NRXN3: variants seen among roughly 807,000 people sequenced by gnomAD.
The protein encoded by NRXN3 is neurexin III.
NRXN3 carries 32 observed loss-of-function variants against 137.6 expected under a neutral mutation model. The ratio of observed to expected loss-of-function variants is 0.23; its 90% CI spans 0.18 to 0.31. NRXN3 has a LOEUF of 0.31. Ranked by LOEUF, NRXN3 falls within the 10% of genes least tolerant of loss-of-function variation. The pLI, the probability that NRXN3 is intolerant of heterozygous loss-of-function variation, is 1.00. For synonymous variants in NRXN3, 798 were observed against 784.5 expected, an observed-to-expected ratio of 1.02 and a Z score of -0.29; for missense variants, 1,574 against 2,062.5, an observed-to-expected ratio of 0.76 and a Z score of 4.59.
intron 16 of NRXN3, among the ~76,000 whole-genome samples, chr14:79,504,715 GT>G (rs1275758015): frequency 6.9e-6 from 1 of 144,622 alleles, no homozygotes; most frequent in African/African-American, 2.6e-5. Flanking sequence ...TGAAATAAAA[GT>G]GTTTCAAATA....
chr14:78,575,381 C>T (rs982427464), intron 4 of NRXN3, among the ~76,000 whole-genome samples: 1 of 152,012 alleles, frequency 6.6e-6, no homozygotes, highest in East Asian at 1.9e-4. Flanking sequence ...AAAATGAGTA[C>T]CTGAATGATG....
At position 79,719,299 on chromosome 14, in the gene NRXN3, A is replaced by ATG. The variant is rs1555660249; in HGVS notation, c.4014+21363_4014+21364insGT. Among the ~76,000 whole-genome samples, 169 of 149,778 alleles carry ATG rather than the reference A, an allele frequency of 1.1e-3. 1 individual carries two copies. The highest frequency in any genetic ancestry group is 6.6e-3 in the South Asian group (31 of 4,724). Reference sequence around the variant, plus strand: ...TGTACATATATATGTATGTATGTGTATATGTATGTGTATGTATACACGCGT... The same window carrying ATG: ...TGTACATATATATGTATGTATGTGTATGTATGTATGTGTATGTATACACGCGT... On this transcript the variant is annotated intron_variant, in intron 19 of 20. Coordinates refer to ENST00000335750, the MANE Select transcript of NRXN3 (RefSeq NM_001330195.2).
At chr14:78,940,855 GC>G (rs1444681251) in intron 10 of NRXN3, among the ~76,000 whole-genome samples, 3 of 151,764 alleles carry the variant, frequency 2.0e-5, no homozygotes, top group African/African-American at 7.3e-5. Flanking sequence ...TGTGTATCAA[GC>G]TGTGAATTAG....
chr14:78,604,924 C>G (rs1373244331), intron 4 of NRXN3, among the ~76,000 whole-genome samples: 1 of 152,130 alleles, frequency 6.6e-6, no homozygotes, highest in Non-Finnish European at 1.5e-5. Flanking sequence ...AGACCAGAGA[C>G]TAAATACGGA....
chr14:79,376,625 T>C (rs1336934676), intron 15 of NRXN3, among the ~76,000 whole-genome samples: 3 of 152,148 alleles, frequency 2.0e-5, no homozygotes, highest in Non-Finnish European at 4.4e-5. Flanking sequence ...TGTATAAAGA[T>C]GAGATCCTTT....
chr14:78,342,647 G>T (rs1307095733), intron 4 of NRXN3, among the ~76,000 whole-genome samples: 2 of 152,136 alleles, frequency 1.3e-5, no homozygotes, highest in African/African-American at 4.8e-5. Context: ...CAGTCACATA[G>T]CTAATACATT....
At chr14:79,840,529 A>T (rs1477345525) in intron 20 of NRXN3, among the ~76,000 whole-genome samples, 1 of 152,184 alleles carries the variant, frequency 6.6e-6, no homozygotes, top group South Asian at 2.1e-4. Flanking sequence ...GTAAGTTCCC[A>T]TACTCAGTGA....
chr14:79,124,208 G>C (rs1257509665), intron 15 of NRXN3, among the ~76,000 whole-genome samples: 1 of 152,132 alleles, frequency 6.6e-6, no homozygotes, highest in Admixed American at 6.5e-5. Flanking sequence ...GTAAAATCAA[G>C]CTAAATGAAA....
chr14:79,527,806 G>A (rs2097134460), intron 16 of NRXN3, among the ~76,000 whole-genome samples: 1 of 151,372 alleles, frequency 6.6e-6, no homozygotes, highest in South Asian at 2.1e-4. Context: ...GGGAGGCAGA[G>A]GTTGCAGTGA....
At chr14:79,846,330 C>T (rs535344799) in intron 20 of NRXN3, among the ~76,000 whole-genome samples, 2 of 152,114 alleles carry the variant, frequency 1.3e-5, no homozygotes, top group African/African-American at 4.8e-5. Flanking sequence ...AAAAATGTCC[C>T]ATGTAAAAAA....
Position 78,309,230 on chromosome 14 carries a change from A to G in NRXN3, c.757+11370A>G, listed in dbSNP as rs1388437520. On this transcript the variant is annotated intron_variant, in intron 4 of 20. Transcript: ENST00000335750. The stretch of plus-strand genomic sequence containing the variant: ...GTTTTGTCATCTTGTAGAACCTCGT[A>G]TTATATAGCACGTTCAGCCAGATTG... Among the ~76,000 whole-genome samples, 7 of 152,232 alleles carry G rather than the reference A, an allele frequency of 4.6e-5. 1 individual carries two copies. Among genetic ancestry groups the G allele is most frequent in the Admixed American group, 4.6e-4 (7 of 15,274 alleles).
At chr14:79,402,751 T>G (rs911968029) in intron 15 of NRXN3, among the ~76,000 whole-genome samples, 22 of 152,206 alleles carry the variant, frequency 1.4e-4, no homozygotes, top group African/African-American at 5.1e-4. Context: ...GTTCATTAAT[T>G]CATCAATTCA....
chr14:78,446,663 T>G (rs577122410), intron 4 of NRXN3, among the ~76,000 whole-genome samples: 6 of 152,342 alleles, frequency 3.9e-5, no homozygotes, highest in African/African-American at 9.6e-5. Flanking sequence ...CTTGGTTAGT[T>G]GGAGATAGTC....
chr14:79,563,027 C>T (rs1328711486), intron 16 of NRXN3, among the ~76,000 whole-genome samples: 1 of 152,104 alleles, frequency 6.6e-6, no homozygotes, highest in Non-Finnish European at 1.5e-5. Context: ...ATAACCCACC[C>T]CCAATAAGCT....
In NRXN3 at chr14:78,910,480, T is replaced by C. The variant is rs1331214449; in HGVS notation, c.2276-46762T>C. Among the ~76,000 whole-genome samples the C allele has an allele frequency of 2.0e-5, 3 of 152,084 alleles. No homozygotes were observed. The East Asian group carries it at 5.8e-4, about 29-fold the overall frequency. On this transcript the variant is annotated intron_variant, in intron 10 of 20. Transcript: ENST00000335750. ...ACAACCAAATCATGACTATTTGTTA[T>C]CACTTCTGGGCCTTTAAAGTTGCTG...
chr14:78,245,771 A>T (rs59218865), intron 2 of NRXN3, among the ~76,000 whole-genome samples: 14,343 of 152,118 alleles, frequency 0.094, 2,023 homozygotes, highest in African/African-American at 0.31. Flanking sequence ...GGGCATCACA[A>T]CTTTCTCCCT....
intron 15 of NRXN3, among the ~76,000 whole-genome samples, chr14:79,132,185 C>G (rs149116030): frequency 0.018 from 2,772 of 152,316 alleles, 80 homozygotes; most frequent in African/African-American, 0.064. Context: ...GTTCCTATTC[C>G]GCCATCTTGG....
intron 15 of NRXN3, among the ~76,000 whole-genome samples, chr14:79,459,640 A>G (rs923052462): frequency 6.6e-6 from 1 of 152,068 alleles, no homozygotes; most frequent in Non-Finnish European, 1.5e-5. Flanking sequence ...GCAAACTAAC[A>G]CAGCAAAAAA....
At chr14:78,541,896 A>C (rs1445835551) in intron 4 of NRXN3, among the ~76,000 whole-genome samples, 1 of 152,184 alleles carries the variant, frequency 6.6e-6, no homozygotes, top group East Asian at 1.9e-4. Flanking sequence ...GGTCTATTGG[A>C]GTTTGCTGGA....
Sources: allele counts gnomAD v4.1 joint callset (sites outside exome capture counted in the v4.1 genomes callset), GRCh38; gene constraint gnomAD v4.1.1; transcripts MANE v1.5; gene names NCBI Gene and HGNC (gene_info 2026-07-23, HGNC 2026-07-21).